Variants in RETREG1 observed in about 807,000 individuals in gnomAD.
RETREG1 encodes the protein reticulophagy regulator 1.
Under a neutral mutation model 54.8 loss-of-function variants are expected in RETREG1, and 44 were observed. That is an observed-to-expected ratio of 0.80 (90% CI 0.63 to 1.03). The LOEUF (loss-of-function observed/expected upper bound fraction) is 1.03, where lower values mean the gene tolerates loss of function less well. Ranked by LOEUF, RETREG1 falls within the 50% of genes least tolerant of loss-of-function variation. The probability of loss-of-function intolerance (pLI) is 0.00; values close to 1 mark genes in which losing one functional copy is unlikely to be tolerated. For missense variants in RETREG1, 554 were observed against 605.1 expected (o/e 0.92, Z 0.89); for synonymous variants, 217 against 238.5 (o/e 0.91, Z 0.83).
At chr5:16,534,522 G>C (rs1487939928) in intron 3 of RETREG1, among the ~76,000 whole-genome samples, 1 of 152,194 alleles carries the variant, frequency 6.6e-6, no homozygotes, top group Non-Finnish European at 1.5e-5. Flanking sequence ...GGGTAGAGAG[G>C]AGAGATTACC....
At chr5:16,604,850 T>C (rs1012459493) in intron 1 of RETREG1, among the ~76,000 whole-genome samples, 1 of 152,248 alleles carries the variant, frequency 6.6e-6, no homozygotes, top group African/African-American at 2.4e-5. Context: ...TTTAAAATAC[T>C]GCACAGCTGC....
rs1307494994 is a variant in RETREG1 at position 16,606,609 on chromosome 5, CTCATCTAGCCCATAGCCTAAG to C, written c.320+10022_320+10042del. On this transcript the variant is annotated intron_variant, in intron 1 of 8. Transcript: ENST00000306320. Reference sequence around the variant, plus strand: ...TGGTTAAGGTCACTACCAGGCACTCCTCATCTAGCCCATAGCCTAAGTCATCTAGCCCATAGCCTTTCTCTC... The same window carrying C: ...TGGTTAAGGTCACTACCAGGCACTCCTCATCTAGCCCATAGCCTTTCTCTC... Among the ~76,000 whole-genome samples the C allele has an allele frequency of 8.2e-4, 125 of 152,300 alleles. 3 individuals carry two copies. The highest frequency in any genetic ancestry group is 1.8e-3 in the African/African-American group (76 of 41,550).
chr5:16,544,415 T>C (rs1433927916), intron 3 of RETREG1, among the ~76,000 whole-genome samples: 3 of 152,258 alleles, frequency 2.0e-5, no homozygotes, highest in African/African-American at 7.2e-5. Context: ...CAAAGGTTTG[T>C]CATCTTGATC....
chr5:16,525,126 G>A (rs1375767204), intron 3 of RETREG1, among the ~76,000 whole-genome samples: 4 of 127,902 alleles, frequency 3.1e-5, no homozygotes, highest in Non-Finnish European at 5.2e-5. Context: ...ATGTGCGTGG[G>A]GGACACTGTG....
At chr5:16,510,974 TG>T (rs1310838519) in intron 3 of RETREG1, among the ~76,000 whole-genome samples, 2 of 152,186 alleles carry the variant, frequency 1.3e-5, no homozygotes, top group Non-Finnish European at 2.9e-5. Flanking sequence ...TAACTGTTGT[TG>T]ATCTTAGTTG....
intron 1 of RETREG1, among the ~76,000 whole-genome samples, chr5:16,578,933 C>T (rs1742412106): frequency 6.6e-6 from 1 of 152,158 alleles, no homozygotes; most frequent in African/African-American, 2.4e-5. Context: ...CTACATAAAG[C>T]AGCCAGAGAA....
At chr5:16,543,450 C>T (rs965192914) in intron 3 of RETREG1, among the ~76,000 whole-genome samples, 10 of 151,958 alleles carry the variant, frequency 6.6e-5, no homozygotes, top group Admixed American at 2.6e-4. Flanking sequence ...CCAAGGCAGA[C>T]TGATCACATA....
rs1427601297 is a variant in RETREG1 at position 16,616,841 on chromosome 5, G to A, written c.131C>T (p.Ala44Val). The change falls in exon 1 of 9, where the codon GCG (alanine) becomes GTG (valine). Residue 44 changes from alanine to valine, a missense_variant. This residue lies in a region of RETREG1 where 175 missense variants were observed against 142.1 expected (regional missense o/e 1.23). Transcript: ENST00000306320. The part of the protein sequence containing the change: ...PAERQQQEEE[A>V]QEAGAAEGAG... ...GCCCTCCGCCGCCCCAGCTTCCTGC[G>A]CTTCCTCCTCCTGCTGCTGCCGCTC... The A allele has an allele frequency of 7.9e-6, 12 of 1,513,668 alleles. No individual in the cohort carries two copies. Among genetic ancestry groups the A allele is most frequent in the East Asian group, 2.6e-5 (1 of 38,062 alleles). 93.8% of individuals were successfully genotyped at this position (1,513,668 alleles called of 1,614,324 possible).
intron 1 of RETREG1, among the ~76,000 whole-genome samples, chr5:16,573,731 G>GTTT (rs1454072189): frequency 1.1e-4 from 12 of 109,898 alleles, no homozygotes; most frequent in Non-Finnish European, 1.9e-4. Context: ...TTTTGGGTTT[G>GTTT]TTTGTTTTTT....
At chr5:16,588,672 G>A (rs1742680190) in intron 1 of RETREG1, among the ~76,000 whole-genome samples, 1 of 152,234 alleles carries the variant, frequency 6.6e-6, no homozygotes, top group Non-Finnish European at 1.5e-5. Flanking sequence ...AACAAAGTGA[G>A]ATCAAGGCTG....
rs73045913 is a variant in RETREG1 at position 16,531,986 on chromosome 5, G to T, written c.458+33777C>A. Among the ~76,000 whole-genome samples the T allele has an allele frequency of 2.3e-3, 354 of 152,268 alleles. 2 individuals are homozygous for T. The highest frequency in any genetic ancestry group is 8.3e-3 in the African/African-American group (343 of 41,566). On this transcript the variant is annotated intron_variant, in intron 3 of 8. Transcript: ENST00000306320. ...GCTGTGTCCACCCTGTTAAGGTGCA[G>T]ACATTGCTGGAATAGAGAAAATGGA...
At chr5:16,527,517 A>T (rs1022513675) in intron 3 of RETREG1, among the ~76,000 whole-genome samples, 21 of 152,300 alleles carry the variant, frequency 1.4e-4, no homozygotes, top group African/African-American at 5.1e-4. Context: ...AAATGGCATT[A>T]ATGCTAGTTT....
chr5:16,527,502 G>C (rs1024308423), intron 3 of RETREG1, among the ~76,000 whole-genome samples: 2 of 152,134 alleles, frequency 1.3e-5, no homozygotes, highest in African/African-American at 2.4e-5. Flanking sequence ...AAGGAAGAAT[G>C]GCTGAAATGG....
chr5:16,492,854 G>A (rs1167871280), intron 3 of RETREG1, among the ~76,000 whole-genome samples: 2 of 152,144 alleles, frequency 1.3e-5, no homozygotes, highest in Non-Finnish European at 2.9e-5. Context: ...CCATGACAAC[G>A]CAAATAAGAT....
chr5:16,537,431 G>C (rs564703583), intron 3 of RETREG1, among the ~76,000 whole-genome samples: 3 of 152,340 alleles, frequency 2.0e-5, no homozygotes, highest in African/African-American at 7.2e-5. Flanking sequence ...GGCACTGGGA[G>C]TGTGTGTATG....
intron 1 of RETREG1, among the ~76,000 whole-genome samples, chr5:16,608,284 T>G (rs988079755): frequency 1.3e-4 from 20 of 151,974 alleles, no homozygotes; most frequent in Non-Finnish European, 8.8e-5. Context: ...GTGTTTCAGA[T>G]CTCATGTGGA....
At chr5:16,569,723 A>G (rs942468835) in intron 2 of RETREG1, among the ~76,000 whole-genome samples, 19 of 152,352 alleles carry the variant, frequency 1.2e-4, no homozygotes, top group African/African-American at 4.6e-4. Flanking sequence ...GGAATCCATG[A>G]TTGTCACTTC....
Position 16,587,423 on chromosome 5 carries a change from A to C in RETREG1, c.321-15321T>G, listed in dbSNP as rs114520207. ...ATATAAACTTGGGTCTTCTTGACTC[A>C]GAGTCCACCGCTCCATTTAAACATC... On this transcript the variant is annotated intron_variant, in intron 1 of 8. Coordinates refer to ENST00000306320, the MANE Select transcript of RETREG1 (RefSeq NM_001034850.3). 6.2e-3 allele frequency among the ~76,000 whole-genome samples: 952 copies of C among 152,362 alleles called. 10 individuals are homozygous for C. Among genetic ancestry groups the C allele is most frequent in the African/African-American group, 0.021 (880 of 41,590 alleles).
chr5:16,510,994 C>G (rs932198219), intron 3 of RETREG1, among the ~76,000 whole-genome samples: 1 of 151,932 alleles, frequency 6.6e-6, no homozygotes, highest in African/African-American at 2.4e-5. Flanking sequence ...TGCTGGTTAC[C>G]ACAGAACTGA....
Sources: allele counts gnomAD v4.1 joint callset (sites outside exome capture counted in the v4.1 genomes callset), GRCh38; gene constraint gnomAD v4.1.1; regional missense constraint gnomAD v4.1.1; transcripts MANE v1.5; gene names NCBI Gene and HGNC (gene_info 2026-07-23, HGNC 2026-07-21).